The following PLEKHA6 variants were observed in gnomAD, a reference collection of about 807,000 sequenced individuals.
PLEKHA6 encodes the protein pleckstrin homology domain containing A6.
In PLEKHA6, 60 loss-of-function variants were observed where a neutral mutation model predicts 116.7. The observed-to-expected ratio is 0.51, with a 90% confidence interval of 0.42 to 0.64. The LOEUF is 0.64. Among genes scored for constraint, PLEKHA6 ranks in the 30% least tolerant of loss-of-function variants. PLEKHA6 has a pLI of 0.00. For synonymous variants in PLEKHA6, 489 were observed against 556.1 expected (o/e 0.88, Z 1.70); for missense variants, 1,338 against 1,422.7 (o/e 0.94, Z 0.96).
chr1:204,309,421 G>C (rs1346198042), intron 1 of PLEKHA6, among the ~76,000 whole-genome samples: 1 of 152,204 alleles, frequency 6.6e-6, no homozygotes, highest in African/African-American at 2.4e-5. Context: ...GTTCCCATAG[G>C]ATTATAACAC....
In PLEKHA6 at chr1:204,265,024, A is replaced by G. The variant is rs1666607181; in HGVS notation, c.299T>C (p.Ile100Thr). The G allele has an allele frequency of 3.1e-6, 5 of 1,613,606 alleles. No individual in the cohort carries two copies. Among genetic ancestry groups the G allele is most frequent in the Non-Finnish European group, 4.2e-6 (5 of 1,179,654 alleles). The change falls in exon 6 of 23, where the codon ATC becomes ACC. Residue 100 changes from isoleucine (I) to threonine (T), a missense_variant. By Grantham distance (89) the Ile-to-Thr change is moderately conservative. This residue lies in a region of PLEKHA6 where 140 missense variants were observed against 197.4 expected (regional missense o/e 0.71). Coordinates refer to ENST00000272203, the MANE Select transcript of PLEKHA6 (RefSeq NM_014935.5). ...GCTCAGGAGGGGGATGCTGCCCAGG[A>G]TACTCTCTTCCTTCTCATCTGTCAG... ...FYYKDEKEES[I>T]LGSIPLLSFR... is the part of the protein sequence containing the mutation.
chr1:204,296,942 G>A (rs978278327), intron 1 of PLEKHA6: 2 of 177,236 alleles, frequency 1.1e-5, no homozygotes, highest in Admixed American at 6.5e-5. Context: ...GAAAAAGCCT[G>A]CAGTACCATG....
At chr1:204,349,245 C>T (rs1036975902) in intron 1 of PLEKHA6, among the ~76,000 whole-genome samples, 27 of 152,176 alleles carry the variant, frequency 1.8e-4, no homozygotes, top group South Asian at 2.1e-4. Flanking sequence ...CTATAAGAAT[C>T]CTTGAGTTCT....
At chr1:204,330,790 C>T (rs914463813) in intron 1 of PLEKHA6, among the ~76,000 whole-genome samples, 15 of 152,160 alleles carry the variant, frequency 9.9e-5, no homozygotes, top group Admixed American at 6.5e-4. Flanking sequence ...TTCTGTCTTT[C>T]GATGTGAAGC....
intron 1 of PLEKHA6, chr1:204,347,234 T>C (rs1278995820): frequency 1.8e-6 from 2 of 1,104,164 alleles, no homozygotes; most frequent in Non-Finnish European, 2.7e-6. Flanking sequence ...CGGGTGCCTC[T>C]CCTCTTTCCC....
intron 1 of PLEKHA6, among the ~76,000 whole-genome samples, chr1:204,346,118 A>G (rs1673035795): frequency 2.0e-5 from 3 of 152,186 alleles, no homozygotes; most frequent in African/African-American, 7.2e-5. Context: ...CTGCTGCCCC[A>G]TTGGATAGCC....
intron 1 of PLEKHA6, among the ~76,000 whole-genome samples, chr1:204,374,833 CT>C (rs1275053581): frequency 6.6e-6 from 1 of 152,180 alleles, no homozygotes; most frequent in East Asian, 1.9e-4. Context: ...TCCCCACTTT[CT>C]GGCCTTTCAT....
intron 18 of PLEKHA6, 76 bp from the exon 19 acceptor site, chr1:204,229,180 CT>C: frequency 6.9e-7 from 1 of 1,440,534 alleles, no homozygotes. Flanking sequence ...CCTGTCCTCG[CT>C]TTCCCTTCCC....
intron 1 of PLEKHA6, among the ~76,000 whole-genome samples, chr1:204,305,679 A>C (rs906780054): frequency 2.6e-5 from 4 of 152,232 alleles, no homozygotes; most frequent in Admixed American, 6.5e-5. Flanking sequence ...TTTGGCCAAA[A>C]TTATGCACAG....
intron 1 of PLEKHA6, among the ~76,000 whole-genome samples, chr1:204,287,993 C>T (rs927284615): frequency 1.3e-5 from 2 of 152,312 alleles, no homozygotes; most frequent in African/African-American, 4.8e-5. Flanking sequence ...GAATTTGTAT[C>T]TGGTTGTAAC....
At chr1:204,351,051 C>T (rs982698765) in intron 1 of PLEKHA6, among the ~76,000 whole-genome samples, 5 of 152,190 alleles carry the variant, frequency 3.3e-5, no homozygotes, top group East Asian at 1.9e-4. Context: ...ACCGGTTACC[C>T]GGGCAACCCA....
Position 204,228,198 on chromosome 1 carries a change from C to T in PLEKHA6, c.2916G>A (p.Gly972=), listed in dbSNP as rs745352236. Residue 972 remains glycine, a synonymous_variant, in exon 21 of 23, where the codon GGG becomes GGA. Coordinates refer to ENST00000272203, the MANE Select transcript of PLEKHA6 (RefSeq NM_014935.5). The surrounding 1 kb of genome is among the most constrained non-coding windows in gnomAD (Gnocchi z 4.0). ...AGTCCTGGGGCACGTCCACAGAGTC[C>T]CCCTCGCCGATGGGCACCACGTTCT... ...SMQNVVPIGE[G]DSVDVPQDSE... is the part of the protein sequence containing the mutation. The T allele has an allele frequency of 7.5e-6, 12 of 1,610,608 alleles. No individual in the cohort carries two copies. In the East Asian group the frequency reaches 2.5e-4, roughly 33 times the overall value.
chr1:204,309,203 C>A (rs1001224151), intron 1 of PLEKHA6: 7 of 221,778 alleles, frequency 3.2e-5, no homozygotes, highest in Non-Finnish European at 4.6e-5. Flanking sequence ...CTGCAGGTCT[C>A]CCCCGCATCT....
intron 18 of PLEKHA6, 48 bp from the exon 19 acceptor site, chr1:204,229,152 A>G: frequency 6.3e-7 from 1 of 1,583,288 alleles, no homozygotes; most frequent in Non-Finnish European, 8.6e-7. Flanking sequence ...CCATGCCTCC[A>G]GGCAGCTCTA....
At chr1:204,332,503 T>G (rs1672491805) in intron 1 of PLEKHA6, among the ~76,000 whole-genome samples, 1 of 152,324 alleles carries the variant, frequency 6.6e-6, no homozygotes, top group South Asian at 2.1e-4. Context: ...TGCCTCAGCC[T>G]CCTGAGTATT....
chr1:204,285,420 GT>G (rs11365107), intron 1 of PLEKHA6, among the ~76,000 whole-genome samples: 55,529 of 151,494 alleles, frequency 0.37, 10,360 homozygotes, highest in East Asian at 0.52. Context: ...CATTGTTTTC[GT>G]TTTTTTGGGT....
intron 1 of PLEKHA6, among the ~76,000 whole-genome samples, chr1:204,372,873 A>C (rs1255403013): frequency 6.6e-6 from 1 of 151,306 alleles, no homozygotes; most frequent in Non-Finnish European, 1.5e-5. Flanking sequence ...CATACAATAC[A>C]GTCATGCAAT....
At chr1:204,263,487 A>C (rs938795981) in intron 6 of PLEKHA6, among the ~76,000 whole-genome samples, 1 of 152,144 alleles carries the variant, frequency 6.6e-6, no homozygotes, top group Non-Finnish European at 1.5e-5. Context: ...TGGAATAGCC[A>C]CAATCAGAAC....
upstream of PLEKHA6, among the ~76,000 whole-genome samples, chr1:204,362,895 T>A (rs1156826764): frequency 2.6e-5 from 4 of 152,150 alleles, no homozygotes; most frequent in Non-Finnish European, 5.9e-5. Context: ...CCTGAGTAAC[T>A]CACTGACTGA....
Sources: gnomAD v4.1 joint callset for allele counts (sites outside exome capture counted in the v4.1 genomes callset) on GRCh38, gnomAD v4.1.1 for gene constraint, gnomAD v4.1.1 regional missense constraint, Gnocchi (gnomAD v3.1) non-coding constraint, MANE v1.5 for transcripts, NCBI Gene and HGNC (gene_info 2026-07-23, HGNC 2026-07-21) for gene names.